MYO3A: variants seen among roughly 807,000 people sequenced by gnomAD.
The protein encoded by MYO3A is myosin IIIA.
A neutral mutation model predicts 192.7 loss-of-function variants in MYO3A; 180 were observed. That is an observed-to-expected ratio of 0.93 (90% CI 0.83 to 1.06). The LOEUF (loss-of-function observed/expected upper bound fraction) is 1.06, where lower values mean the gene tolerates loss of function less well. Ranked by LOEUF, MYO3A falls within the 50% of genes least tolerant of loss-of-function variation. The probability of loss-of-function intolerance (pLI) is 0.00; values close to 1 mark genes in which losing one functional copy is unlikely to be tolerated. For missense variants in MYO3A, 1,896 were observed against 1,905.0 expected (o/e 1.00, Z 0.09); for synonymous variants, 628 against 645.3 (o/e 0.97, Z 0.41).
In MYO3A at chr10:26,120,707, C is replaced by A. The variant is rs774291918; in HGVS notation, c.1808C>A (p.Ala603Glu). The change falls in exon 18 of 35, where the codon GCA (alanine) becomes GAA (glutamate). Residue 603 changes from alanine to glutamate, a missense_variant. Transcript: ENST00000642920. ...GGTAGTATATACAGCATACTCGCTGCAATCTTGAATGTTGGCAACATTGAA... is the reference window on the plus strand; with the variant it reads ...GGTAGTATATACAGCATACTCGCTGAAATCTTGAATGTTGGCAACATTGAA... Reference protein sequence around the residue: ...QLGSIYSILAAILNVGNIEFS... With the variant: ...QLGSIYSILAEILNVGNIEFS... The A allele has an allele frequency of 1.2e-6, 2 of 1,613,934 alleles. No homozygotes were observed. Among genetic ancestry groups the A allele is most frequent in the African/African-American group, 2.7e-5 (2 of 74,892 alleles).
intron 3 of MYO3A, among the ~76,000 whole-genome samples, chr10:25,953,742 C>T (rs1475806722): frequency 6.6e-6 from 1 of 152,012 alleles, no homozygotes; most frequent in Non-Finnish European, 1.5e-5. Flanking sequence ...ATAAGTCCCC[C>T]CTATTTAGTA....
At chr10:26,067,824 G>A (rs1170756184) in intron 11 of MYO3A, among the ~76,000 whole-genome samples, 1 of 146,994 alleles carries the variant, frequency 6.8e-6, no homozygotes, top group African/African-American at 2.5e-5. Flanking sequence ...TGTCCTGCCT[G>A]ATGAACACCT....
intron 4 of MYO3A, among the ~76,000 whole-genome samples, chr10:25,995,487 A>T (rs1335230790): frequency 6.6e-6 from 1 of 152,180 alleles, no homozygotes; most frequent in African/African-American, 2.4e-5. Context: ...GATCCTCTGT[A>T]GCCTTCTTCT....
At chr10:26,098,815 C>G (rs1022626716) in intron 17 of MYO3A, among the ~76,000 whole-genome samples, 13 of 152,118 alleles carry the variant, frequency 8.5e-5, no homozygotes, top group African/African-American at 3.1e-4. Context: ...GTTACTGTAG[C>G]CTTGTAGTAT....
At chr10:26,126,812 C>T (rs1050532592) in intron 19 of MYO3A, among the ~76,000 whole-genome samples, 4 of 149,448 alleles carry the variant, frequency 2.7e-5, no homozygotes, top group African/African-American at 7.7e-5. Context: ...TGTACATATA[C>T]TAAATATACT....
chr10:26,021,281 C>T (rs576653667), intron 7 of MYO3A, among the ~76,000 whole-genome samples: 43 of 152,140 alleles, frequency 2.8e-4, no homozygotes, highest in African/African-American at 1.0e-3. Flanking sequence ...GGCTTCTTCC[C>T]TTATATTTTA....
At chr10:26,021,692 C>G (rs772878145) in intron 8 of MYO3A, 44 bp downstream of exon 8, 2 of 1,608,294 alleles carry the variant, frequency 1.2e-6, no homozygotes, top group Non-Finnish European at 1.7e-6. Flanking sequence ...GCCCGATTTA[C>G]TTCCTCCAGC....
chr10:26,033,771 A>G (rs1842907782), intron 10 of MYO3A, among the ~76,000 whole-genome samples: 1 of 152,220 alleles, frequency 6.6e-6, no homozygotes, highest in Admixed American at 6.5e-5. Flanking sequence ...GGGCTTATCC[A>G]GGAGGTCGCC....
At chr10:26,111,678 A>G (rs1838190349) in intron 17 of MYO3A, among the ~76,000 whole-genome samples, 1 of 152,212 alleles carries the variant, frequency 6.6e-6, no homozygotes, top group South Asian at 2.1e-4. Flanking sequence ...GATTCAGTCA[A>G]TAAAGAAAAA....
intron 6 of MYO3A, among the ~76,000 whole-genome samples, chr10:26,011,840 AAAATCCTCAACCAAATACTAGC>A: frequency 6.6e-6 from 1 of 152,358 alleles, no homozygotes; most frequent in African/African-American, 2.4e-5. Context: ...CATTGATGCA[AAAATCCTCAACCAAATACTAGC>A]TAACTGAATC....
At chr10:26,142,629 G>C (rs1023975807) in intron 20 of MYO3A, among the ~76,000 whole-genome samples, 30 of 152,192 alleles carry the variant, frequency 2.0e-4, no homozygotes, top group Non-Finnish European at 1.5e-5. Context: ...GATGTTTATA[G>C]AGTAAGGAAA....
At chr10:26,111,355 C>A (rs776395451) in intron 17 of MYO3A, among the ~76,000 whole-genome samples, 2 of 152,162 alleles carry the variant, frequency 1.3e-5, no homozygotes, top group Non-Finnish European at 2.9e-5. Context: ...TAAATATAGT[C>A]TCATTCTTAT....
chr10:26,014,556 T>C (rs1841873025), intron 6 of MYO3A, among the ~76,000 whole-genome samples: 1 of 152,126 alleles, frequency 6.6e-6, no homozygotes, highest in African/African-American at 2.4e-5. Flanking sequence ...TACCAAATAC[T>C]GTTTGACTTA....
chr10:26,060,832 T>C (rs185560181), intron 10 of MYO3A, among the ~76,000 whole-genome samples: 2 of 152,352 alleles, frequency 1.3e-5, no homozygotes, highest in South Asian at 2.1e-4. Flanking sequence ...AAAGCTATTT[T>C]CTATCCAAAC....
intron 31 of MYO3A, among the ~76,000 whole-genome samples, chr10:26,178,952 C>A (rs1200316111): frequency 6.6e-6 from 1 of 151,852 alleles, no homozygotes; most frequent in Non-Finnish European, 1.5e-5. Flanking sequence ...CAGGCGCCAG[C>A]CACCACGCCG....
intron 4 of MYO3A, among the ~76,000 whole-genome samples, chr10:25,987,041 C>G (rs1017003683): frequency 2.6e-5 from 4 of 152,108 alleles, no homozygotes; most frequent in Non-Finnish European, 5.9e-5. Context: ...GAAGAGAGAA[C>G]CTAGAAATAA....
intron 21 of MYO3A, 102 bp downstream of exon 21, chr10:26,143,703 G>A: frequency 1.4e-6 from 2 of 1,412,304 alleles, no homozygotes; most frequent in Non-Finnish European, 2.0e-6. Context: ...GAAAATAGCT[G>A]TCACAAAGCC....
intron 17 of MYO3A, among the ~76,000 whole-genome samples, chr10:26,120,199 C>T (rs1226302062): frequency 2.0e-5 from 3 of 152,056 alleles, no homozygotes; most frequent in South Asian, 2.1e-4. Flanking sequence ...TACATTTAAA[C>T]GACACATATC....
chr10:26,150,915 AT>A (rs1840756229), intron 23 of MYO3A, among the ~76,000 whole-genome samples: 1 of 151,966 alleles, frequency 6.6e-6, no homozygotes. Flanking sequence ...TTAAGAAGAC[AT>A]TTTTCTAATA....
Sources: gnomAD v4.1 joint callset for allele counts (sites outside exome capture counted in the v4.1 genomes callset) on GRCh38, gnomAD v4.1.1 for gene constraint, MANE v1.5 for transcripts, NCBI Gene and HGNC (gene_info 2026-07-23, HGNC 2026-07-21) for gene names.